Variants in RBFOX1 observed in about 807,000 individuals in gnomAD.
The protein encoded by RBFOX1 is RNA binding fox-1 homolog 1, also known as RNA binding protein fox-1 homolog 1.
Under a neutral mutation model 57.7 loss-of-function variants are expected in RBFOX1, and 8 were observed. The ratio of observed to expected loss-of-function variants is 0.14; its 90% CI spans 0.08 to 0.25. RBFOX1 has a LOEUF of 0.25. RBFOX1 is among the 10% of genes least tolerant of loss of function. The pLI is 1.00. For synonymous variants in RBFOX1, 326 were observed against 222.4 expected, an observed-to-expected ratio of 1.47 and a Z score of -4.15; for missense variants, 611 against 548.5, an observed-to-expected ratio of 1.11 and a Z score of -1.14.
intron 4 of RBFOX1, among the ~76,000 whole-genome samples, chr16:7,262,154 TTA>T (rs1223849207): frequency 1.3e-5 from 2 of 151,658 alleles, no homozygotes; most frequent in Non-Finnish European, 2.9e-5. Flanking sequence ...GTAAATATAG[TTA>T]TATATCTATA....
At chr16:7,483,067 G>T (rs4787029) in intron 4 of RBFOX1, among the ~76,000 whole-genome samples, 1 of 151,974 alleles carries the variant, frequency 6.6e-6, no homozygotes, top group South Asian at 2.1e-4. Context: ...AGCCACCCTC[G>T]TCACTAAAAG....
At position 6,801,587 on chromosome 16, in the gene RBFOX1, T is replaced by C. The variant is rs549218252; in HGVS notation, c.-16+146937T>C. The stretch of plus-strand genomic sequence containing the variant: ...AGGAAGCCCATAATTGGGGTGGAGG[T>C]TGGGGAGATGGCCAGGAGACTCATG... On this transcript the variant is annotated intron_variant, in intron 3 of 15. Transcript: ENST00000550418. 2.0e-5 allele frequency among the ~76,000 whole-genome samples: 3 copies of C among 151,646 alleles called. No individual in the cohort carries two copies. The South Asian group carries it at 6.3e-4, about 32-fold the overall frequency.
intron 2 of RBFOX1, among the ~76,000 whole-genome samples, chr16:6,447,338 C>G (rs1030137628): frequency 1.3e-5 from 2 of 152,134 alleles, no homozygotes; most frequent in Non-Finnish European, 2.9e-5. Context: ...GTAATCATGG[C>G]CTAACAGATC....
chr16:6,899,521 G>A (rs143351312), intron 3 of RBFOX1, among the ~76,000 whole-genome samples: 2 of 152,148 alleles, frequency 1.3e-5, no homozygotes, highest in African/African-American at 4.8e-5. Context: ...GGAAAGGAAT[G>A]AGTTTATATT....
chr16:6,360,702 A>G (rs1227863502), intron 2 of RBFOX1, among the ~76,000 whole-genome samples: 2 of 152,174 alleles, frequency 1.3e-5, no homozygotes, highest in Admixed American at 1.3e-4. Flanking sequence ...AAATTCATTG[A>G]CCCATCTTAT....
chr16:5,954,706 C>T (rs1022847665), intron 4 of RBFOX1, among the ~76,000 whole-genome samples: 4 of 152,192 alleles, frequency 2.6e-5, no homozygotes, highest in South Asian at 2.1e-4. Context: ...TGATCGTGTG[C>T]GCCGTGAGCT....
At chr16:6,183,443 G>A (rs1251781601) in intron 1 of RBFOX1, among the ~76,000 whole-genome samples, 1 of 151,674 alleles carries the variant, frequency 6.6e-6, no homozygotes, top group Admixed American at 6.6e-5. Context: ...TCGCGCCATT[G>A]TGCTCCAGTC....
intron 3 of RBFOX1, among the ~76,000 whole-genome samples, chr16:5,612,704 G>A (rs1221298462): frequency 1.3e-5 from 2 of 152,244 alleles, no homozygotes; most frequent in Non-Finnish European, 2.9e-5. Context: ...GTGGCCAGAG[G>A]AGTTTTAGGA....
chr16:7,379,784 GCCTGCCTGCCTC>G lies in RBFOX1; in HGVS notation c.28-138351_28-138340del, dbSNP rs200154916. On this transcript the variant is annotated intron_variant, in intron 4 of 15. Transcript: ENST00000550418. ...TGCCTGCCTTCCTGCCTTCCGTCCT[GCCTGCCTGCCTC>G]CCTGCCTGCCTGCCTCCCTCCCTCC... 3.2e-3 allele frequency among the ~76,000 whole-genome samples: 475 copies of G among 149,760 alleles called. 3 individuals carry two copies. The Middle Eastern group carries it at 0.041, about 13-fold the overall frequency.
intron 3 of RBFOX1, among the ~76,000 whole-genome samples, chr16:6,975,558 C>T (rs980360308): frequency 2.0e-5 from 3 of 152,138 alleles, no homozygotes; most frequent in Non-Finnish European, 4.4e-5. Flanking sequence ...TGAGCCACTG[C>T]ACCTGGCCGC....
chr16:5,971,470 A>G (rs2059960890), intron 4 of RBFOX1, among the ~76,000 whole-genome samples: 1 of 152,210 alleles, frequency 6.6e-6, no homozygotes, highest in East Asian at 1.9e-4. Flanking sequence ...CCAAAGCTAA[A>G]TTATCTATCA....
chr16:6,969,944 T>C (rs1368356839), intron 3 of RBFOX1, among the ~76,000 whole-genome samples: 2 of 151,998 alleles, frequency 1.3e-5, no homozygotes, highest in African/African-American at 2.4e-5. Flanking sequence ...TACAGAAATG[T>C]CACACAATAA....
At chr16:5,271,472 G>T (rs2063006141) in intron 1 of RBFOX1, among the ~76,000 whole-genome samples, 2 of 152,386 alleles carry the variant, frequency 1.3e-5, no homozygotes, top group South Asian at 4.1e-4. Flanking sequence ...CCTGGTCTGG[G>T]ATCCACTTTT....
chr16:6,459,574 T>G (rs549029070), intron 2 of RBFOX1, among the ~76,000 whole-genome samples: 1 of 152,276 alleles, frequency 6.6e-6, no homozygotes, highest in East Asian at 1.9e-4. Flanking sequence ...AATTACCCTA[T>G]ATCTCATGCT....
chr16:7,116,723 G>A (rs2065979468), intron 4 of RBFOX1, among the ~76,000 whole-genome samples: 1 of 152,174 alleles, frequency 6.6e-6, no homozygotes, highest in East Asian at 1.9e-4. Context: ...CGTGGAGACA[G>A]ACAGGCTCTG....
At chr16:7,164,959 G>C (rs1292505373) in intron 4 of RBFOX1, among the ~76,000 whole-genome samples, 1 of 152,168 alleles carries the variant, frequency 6.6e-6, no homozygotes, top group African/African-American at 2.4e-5. Context: ...AGTTGGCAGC[G>C]TGTATCACAG....
At chr16:6,540,310 T>TAA (rs34562910) in intron 2 of RBFOX1, among the ~76,000 whole-genome samples, 3,200 of 147,374 alleles carry the variant, frequency 0.022, 66 homozygotes, top group East Asian at 0.038. Flanking sequence ...TGGCTGGCTG[T>TAA]AAAAAAAAAA....
chr16:6,937,099 AAAAT>A (rs1037525379), intron 3 of RBFOX1, among the ~76,000 whole-genome samples: 21 of 152,272 alleles, frequency 1.4e-4, no homozygotes, highest in South Asian at 6.2e-4. Context: ...TGATAATAAA[AAAAT>A]AAATAAAAAA....
chr16:7,112,694 C>G (rs539282926), intron 4 of RBFOX1, among the ~76,000 whole-genome samples: 77,299 of 142,448 alleles, frequency 0.54, 20,942 homozygotes, highest in South Asian at 0.7. Context: ...GGGTGTGTCT[C>G]TCTGTCTGTC....
Sources: gnomAD v4.1 joint callset for allele counts (sites outside exome capture counted in the v4.1 genomes callset) on GRCh38, gnomAD v4.1.1 for gene constraint, MANE v1.5 for transcripts, NCBI Gene and HGNC (gene_info 2026-07-23, HGNC 2026-07-21) for gene names.